TNNI3K: variants seen among roughly 807,000 people sequenced by gnomAD.
TNNI3K encodes the protein TNNI3 interacting kinase.
Under a neutral mutation model 114.5 loss-of-function variants are expected in TNNI3K, and 140 were observed. The ratio of observed to expected loss-of-function variants is 1.22; its 90% CI spans 1.07 to 1.41. The LOEUF (loss-of-function observed/expected upper bound fraction) is 1.41, where lower values mean the gene tolerates loss of function less well. Among genes scored for constraint, TNNI3K ranks in the 40% most tolerant of loss-of-function variants. The pLI, the probability that TNNI3K is intolerant of heterozygous loss-of-function variation, is 0.00. For missense variants in TNNI3K, 1,125 were observed against 1,007.6 expected, an observed-to-expected ratio of 1.12 and a Z score of -1.58; for synonymous variants, 347 against 347.5, an observed-to-expected ratio of 1.00 and a Z score of 0.02.
chr1:74,436,133 G>C lies in TNNI3K; in HGVS notation c.1825+1G>C. ...CATGCTGTGGTGGCAGATTTTGGAG[G>C]TGAGATACCCCAAAATGGCATCCTT... On this transcript the variant is annotated splice_donor_variant, in intron 18 of 24. Transcript: ENST00000326637. LOFTEE classifies it high-confidence loss of function. 1.9e-6 allele frequency: 3 copies of C among 1,609,848 alleles called. No homozygotes were observed. The highest frequency in any genetic ancestry group is 2.5e-6 in the Non-Finnish European group (3 of 1,178,420).
At chr1:74,497,761 A>T (rs958409224) in intron 23 of TNNI3K, among the ~76,000 whole-genome samples, 15 of 152,152 alleles carry the variant, frequency 9.9e-5, no homozygotes, top group Non-Finnish European at 1.5e-5. Flanking sequence ...AATTTTTATT[A>T]TGTAGAACTC....
chr1:74,505,052 T>G (rs908757167), intron 23 of TNNI3K, among the ~76,000 whole-genome samples: 5 of 152,198 alleles, frequency 3.3e-5, no homozygotes, highest in Non-Finnish European at 5.9e-5. Flanking sequence ...GAGAGTTCTA[T>G]GAGGTTTTCA....
intron 23 of TNNI3K, among the ~76,000 whole-genome samples, chr1:74,507,798 C>T (rs1237617097): frequency 1.3e-5 from 2 of 152,136 alleles, no homozygotes; most frequent in Non-Finnish European, 2.9e-5. Flanking sequence ...GGAACATGGG[C>T]TCTGAGACTT....
At chr1:74,498,316 T>C (rs1026258233) in intron 23 of TNNI3K, among the ~76,000 whole-genome samples, 4 of 152,210 alleles carry the variant, frequency 2.6e-5, no homozygotes, top group African/African-American at 9.7e-5. Context: ...GTAATCACTA[T>C]GTCATGAAGA....
intron 5 of TNNI3K, among the ~76,000 whole-genome samples, chr1:74,284,655 T>A (rs493778): frequency 0.99 from 150,991 of 152,360 alleles, 74,836 homozygotes; most frequent in Middle Eastern, 1. Flanking sequence ...TCTTTCATTT[T>A]GCAGCCATTT....
chr1:74,543,927 G>A lies in TNNI3K; in HGVS notation c.2453G>A (p.Ser818Asn). The stretch of plus-strand genomic sequence containing the variant: ...GCAGGCTATGTATCCGATCCCATGA[G>A]CTCAATGCATTTTCATTCTTGCCGA... ...DKYGYVSDPM[S>N]SMHFHSCRNS... is the part of the protein sequence containing the mutation. The change falls in exon 25 of 25, where the codon AGC becomes AAC. Residue 818 changes from serine (S) to asparagine (N), a missense_variant. Ser to Asn is a conservative substitution (Grantham distance 46). Transcript: ENST00000326637. 1 of 1,613,426 alleles carries A rather than the reference G, an allele frequency of 6.2e-7. No homozygotes were observed. Among genetic ancestry groups the A allele is most frequent in the Middle Eastern group, 1.7e-4 (1 of 6,058 alleles).
At chr1:74,342,116 T>G (rs750822256) in intron 7 of TNNI3K, 31 of 152,360 alleles carry the variant, frequency 2.0e-4, no homozygotes, top group Non-Finnish European at 4.1e-4. Context: ...CATTTTCTGC[T>G]TCTGTGATAG....
At chr1:74,334,985 TA>T (rs199853632) in intron 6 of TNNI3K, among the ~76,000 whole-genome samples, 1 of 152,158 alleles carries the variant, frequency 6.6e-6, no homozygotes, top group Non-Finnish European at 1.5e-5. Context: ...AGATGATTTT[TA>T]AAAAACGTTT....
chr1:74,321,870 T>C (rs1337829452), intron 5 of TNNI3K, among the ~76,000 whole-genome samples: 1 of 152,032 alleles, frequency 6.6e-6, no homozygotes, highest in Non-Finnish European at 1.5e-5. Context: ...TAATAGTCAT[T>C]ACAAAAATAT....
chr1:74,377,038 A>C (rs1395622219), intron 17 of TNNI3K: 1 of 152,054 alleles, frequency 6.6e-6, no homozygotes, highest in South Asian at 2.1e-4. Flanking sequence ...CAGAATCTCC[A>C]GTCTTGGGGC....
In TNNI3K at chr1:74,492,467, A is replaced by G. The variant is rs1026109336; in HGVS notation, c.2351+201A>G. On this transcript the variant is annotated intron_variant, in intron 23 of 24. Transcript: ENST00000326637. ...TGTTAGCCTAGGTCCTCTAGTTGCAAGTAACAGGCATTAACCTAGCTTAAG... is the reference window on the plus strand; with the variant it reads ...TGTTAGCCTAGGTCCTCTAGTTGCAGGTAACAGGCATTAACCTAGCTTAAG... 3.4e-4 allele frequency among the ~76,000 whole-genome samples: 51 copies of G among 152,206 alleles called. 1 individual carries two copies. Among genetic ancestry groups the G allele is most frequent in the African/African-American group, 1.2e-3 (50 of 41,448 alleles).
At chr1:74,397,649 A>G (rs568699618) in intron 17 of TNNI3K, among the ~76,000 whole-genome samples, 1 of 152,358 alleles carries the variant, frequency 6.6e-6, no homozygotes, top group East Asian at 1.9e-4. Context: ...ATAACTGTTT[A>G]GATATCAGAG....
chr1:74,286,492 T>C (rs1204381142), intron 5 of TNNI3K, among the ~76,000 whole-genome samples: 2 of 152,010 alleles, frequency 1.3e-5, no homozygotes, highest in Non-Finnish European at 2.9e-5. Context: ...CTAGAGTTCA[T>C]GTAAGCCCTC....
At chr1:74,487,761 C>T (rs1034652100) in intron 21 of TNNI3K, among the ~76,000 whole-genome samples, 24 of 152,084 alleles carry the variant, frequency 1.6e-4, no homozygotes, top group Admixed American at 9.2e-4. Flanking sequence ...TGGAACTGCT[C>T]GTAATAAAAA....
intron 17 of TNNI3K, among the ~76,000 whole-genome samples, chr1:74,393,570 T>A (rs1045321599): frequency 6.6e-5 from 10 of 152,136 alleles, no homozygotes; most frequent in African/African-American, 2.4e-4. Context: ...CACAAGCCAG[T>A]TTGAACAAAA....
chr1:74,517,813 T>A (rs1463483770), intron 23 of TNNI3K, among the ~76,000 whole-genome samples: 1 of 152,130 alleles, frequency 6.6e-6, no homozygotes, highest in Admixed American at 6.6e-5. Context: ...ACCTGGAAGA[T>A]TTTTTAAGGC....
At position 74,369,499 on chromosome 1, in the gene TNNI3K, T is replaced by C. The variant is rs766131656; in HGVS notation, c.1581T>C (p.Ala527=). The C allele has an allele frequency of 6.8e-6, 11 of 1,612,736 alleles. 1 individual carries two copies. In the African/African-American group the frequency reaches 1.1e-4, roughly 16 times the overall value. ...NHPCVIQFVG[A]CLNDPSQFAI... is the part of the protein sequence containing the mutation. ...CCTGCGTAATTCAGTTTGTGGGTGCTTGCTTGAATGATCCCAGCCAGTTTG... is the reference window on the plus strand; with the variant it reads ...CCTGCGTAATTCAGTTTGTGGGTGCCTGCTTGAATGATCCCAGCCAGTTTG... The change falls in exon 16 of 25, where the codon GCT becomes GCC. Residue 527 remains alanine, a synonymous_variant. Coordinates refer to ENST00000326637, the MANE Select transcript of TNNI3K (RefSeq NM_015978.3).
intron 23 of TNNI3K, among the ~76,000 whole-genome samples, chr1:74,530,303 C>A (rs1006925443): frequency 6.6e-6 from 1 of 152,188 alleles, no homozygotes; most frequent in South Asian, 2.1e-4. Flanking sequence ...CTAGAGCCAA[C>A]AGGTTTAAGT....
Position 74,274,106 on chromosome 1 carries a change from A to G in TNNI3K, c.444+2398A>G, listed in dbSNP as rs45531134. ...TGGAAGCCTTATTGATAATATAAAC[A>G]GTCCATTATCATGTATTTTTAATGT... On this transcript the variant is annotated intron_variant, in intron 5 of 24. Transcript: ENST00000326637. 4.5e-3 allele frequency among the ~76,000 whole-genome samples: 681 copies of G among 152,070 alleles called. 5 individuals are homozygous for G. The highest frequency in any genetic ancestry group is 7.7e-3 in the Non-Finnish European group (525 of 67,922).
Sources: allele counts gnomAD v4.1 joint callset (sites outside exome capture counted in the v4.1 genomes callset), GRCh38; gene constraint gnomAD v4.1.1; transcripts MANE v1.5; gene names NCBI Gene and HGNC (gene_info 2026-07-23, HGNC 2026-07-21).